The following TNNT2 variants were observed in gnomAD, a reference collection of about 807,000 sequenced individuals.
TNNT2 encodes troponin T2, cardiac type, also known as troponin T, cardiac muscle.
A neutral mutation model predicts 62.4 loss-of-function variants in TNNT2; 34 were observed. That is an observed-to-expected ratio of 0.54 (90% CI 0.41 to 0.72). TNNT2 has a LOEUF of 0.72. TNNT2 is among the 30% of genes least tolerant of loss of function. TNNT2 has a pLI of 0.00. For missense variants in TNNT2, 275 were observed against 381.9 expected (o/e 0.72, Z 2.33); for synonymous variants, 123 against 127.2 (o/e 0.97, Z 0.22).
intron 8 of TNNT2, chr1:201,366,341 G>A (rs1659649582): frequency 1.0e-6 from 1 of 990,938 alleles, no homozygotes; most frequent in South Asian, 4.3e-5. Flanking sequence ...ATCATAAAAA[G>A]GGAAATGCTC....
chr1:201,360,917 C>T (rs554919882), intron 15 of TNNT2: 1 of 373,948 alleles, frequency 2.7e-6, no homozygotes, highest in East Asian at 6.8e-5. Flanking sequence ...GGGAGAAGCA[C>T]CTCTCTGTTG....
At chr1:201,369,136 A>G (rs916174274) in intron 5 of TNNT2, among the ~76,000 whole-genome samples, 6 of 152,152 alleles carry the variant, frequency 3.9e-5, no homozygotes, top group South Asian at 2.1e-4. Context: ...TCATTTCTCT[A>G]TATAATATAC....
chr1:201,374,440 A>T (rs1661095968), intron 1 of TNNT2: 1 of 152,190 alleles, frequency 6.6e-6, no homozygotes, highest in Admixed American at 6.5e-5. Flanking sequence ...TAAAGTGTAC[A>T]CATCCTGGCT....
At position 201,361,225 on chromosome 1, in the gene TNNT2, A is replaced by G. The variant is rs574944651; in HGVS notation, c.810+54T>C. The G allele has an allele frequency of 2.3e-5, 36 of 1,559,460 alleles. No individual in the cohort carries two copies. The Admixed American group carries it at 2.5e-4, about 11-fold the overall frequency. ...TGCAGCAGTATTACCGGACCCAGTGAACCAGGAGGAGTGTGAGATGGAGAT... is the reference window on the plus strand; with the variant it reads ...TGCAGCAGTATTACCGGACCCAGTGGACCAGGAGGAGTGTGAGATGGAGAT... On this transcript the variant is annotated intron_variant, in intron 15 of 16. Transcript: ENST00000656932.
intron 8 of TNNT2, chr1:201,366,570 C>A (rs1283109371): frequency 3.7e-6 from 5 of 1,357,132 alleles, no homozygotes; most frequent in Admixed American, 3.1e-5. Flanking sequence ...GGAGAGTGTC[C>A]GTTCAGGGCC....
intron 15 of TNNT2, among the ~76,000 whole-genome samples, chr1:201,360,231 G>A (rs1449130596): frequency 1.3e-5 from 2 of 152,234 alleles, no homozygotes; most frequent in African/African-American, 2.4e-5. Flanking sequence ...TGAGCATTTA[G>A]TGGGTGCCAG....
chr1:201,375,558 C>T (rs1010781154), intron 1 of TNNT2, among the ~76,000 whole-genome samples: 1 of 152,170 alleles, frequency 6.6e-6, no homozygotes, highest in Non-Finnish European at 1.5e-5. Flanking sequence ...GACTCAAACC[C>T]CAGAGGTTCT....
rs564437469 is a variant in TNNT2, at chr1:201,371,286, A to G, written c.67+741T>C. 2.0e-5 allele frequency among the ~76,000 whole-genome samples: 3 copies of G among 152,308 alleles called. No homozygotes were observed. The East Asian group carries it at 5.8e-4, about 29-fold the overall frequency. On this transcript the variant is annotated intron_variant, in intron 4 of 16. Transcript: ENST00000656932. ...GTGCCAAGCTCTCAGGAAGAAGGGA[A>G]GGTGAGGGCGTTCTTTCAGGGAGAT...
chr1:201,367,132 A>G (rs1196757299), intron 7 of TNNT2: 6 of 601,962 alleles, frequency 1.0e-5, no homozygotes, highest in Non-Finnish European at 1.5e-5. Context: ...GCCTTCTCTC[A>G]CTCACCAGTT....
rs756165657 is a variant in TNNT2 at position 201,364,433 on chromosome 1, G to A, written c.412-58C>T. The A allele has an allele frequency of 8.7e-5, 136 of 1,568,276 alleles. 1 individual carries two copies. The highest frequency in any genetic ancestry group is 1.1e-4 in the Non-Finnish European group (123 of 1,151,248). ...GCATAGGGAGAAGGTGACATCGCAG[G>A]TACAGAAACCTGCATGGGGTGGCAA... On this transcript the variant is annotated intron_variant, in intron 10 of 16. Coordinates refer to ENST00000656932, the MANE Select transcript of TNNT2 (RefSeq NM_001276345.2).
At chr1:201,366,666 C>A (rs1265867538) in intron 8 of TNNT2, 172 bp downstream of exon 8, 3 of 1,519,970 alleles carry the variant, frequency 2.0e-6, no homozygotes, top group Non-Finnish European at 2.6e-6. Flanking sequence ...CTCACTCACT[C>A]CCTTAGGAAG....
intron 10 of TNNT2, among the ~76,000 whole-genome samples, chr1:201,364,814 G>A (rs545997787): frequency 9.2e-5 from 14 of 152,370 alleles, no homozygotes; most frequent in Non-Finnish European, 1.8e-4. Flanking sequence ...GGAGAAGGAT[G>A]TGGGATTCTG....
chr1:201,367,536 G>A, intron 7 of TNNT2: 1 of 624,870 alleles, frequency 1.6e-6, no homozygotes, highest in Non-Finnish European at 2.9e-6. Context: ...CAGGGGGCTG[G>A]ACAATGGTCC....
At chr1:201,363,879 CT>C (rs1168773114) in intron 11 of TNNT2, 5 of 244,860 alleles carry the variant, frequency 2.0e-5, no homozygotes, top group African/African-American at 8.5e-5. Context: ...GATATTGTCT[CT>C]TTTTTTTCCT....
chr1:201,362,080 C>T (rs748502761), intron 13 of TNNT2, 58 bp from the exon 14 acceptor site: 1 of 1,582,086 alleles, frequency 6.3e-7, no homozygotes, highest in Admixed American at 1.7e-5. Flanking sequence ...TGTCCCCTAA[C>T]CCTCCCCAAA....
At chr1:201,361,537 C>T (rs1658639017) in intron 14 of TNNT2, among the ~76,000 whole-genome samples, 168 bp from the exon 15 acceptor site, 2 of 152,136 alleles carry the variant, frequency 1.3e-5, no homozygotes, top group South Asian at 2.1e-4. Flanking sequence ...GGGGACCAGA[C>T]GGCAGCACCC....
At chr1:201,374,543 AG>A (rs1656352904) in intron 1 of TNNT2, 1 of 152,194 alleles carries the variant, frequency 6.6e-6, no homozygotes. Flanking sequence ...AATCACAGGG[AG>A]GGGGCAGAGA....
chr1:201,375,077 T>G (rs1661199795), intron 1 of TNNT2: 1 of 152,360 alleles, frequency 6.6e-6, no homozygotes, highest in Admixed American at 6.6e-5. Context: ...GCTCACTCCC[T>G]CATCACCTCT....
Position 201,366,316 on chromosome 1 carries a change from G to A in TNNT2, c.233+522C>T, listed in dbSNP as rs923857895. The A allele has an allele frequency of 6.8e-6, 7 of 1,022,770 alleles. No homozygotes were observed. In the Admixed American group the frequency reaches 3.6e-4, roughly 53 times the overall value. 63.4% of individuals were successfully genotyped at this position (1,022,770 alleles called of 1,614,324 possible). A position where few individuals can be genotyped will look rare whatever the true frequency, so the allele number is the denominator to read the frequency against. ...GCAGAGGTGCCATGGGTCAACCTCT[G>A]CTGGCAGGGTTGGCATCATAAAAAG... On this transcript the variant is annotated intron_variant, in intron 8 of 16. Transcript: ENST00000656932.
Sources: allele counts gnomAD v4.1 joint callset (sites outside exome capture counted in the v4.1 genomes callset), GRCh38; gene constraint gnomAD v4.1.1; transcripts MANE v1.5; gene names NCBI Gene and HGNC (gene_info 2026-07-23, HGNC 2026-07-21).